MARCHF1: variants seen among roughly 807,000 people sequenced by gnomAD.
MARCHF1 encodes the protein membrane associated ring-CH-type finger 1.
In MARCHF1, 40 loss-of-function variants were observed where a neutral mutation model predicts 54.2. That is an observed-to-expected ratio of 0.74 (90% confidence interval 0.57 to 0.96). The LOEUF (loss-of-function observed/expected upper bound fraction) is 0.96. Ranked by LOEUF, MARCHF1 falls within the 40% of genes least tolerant of loss-of-function variation. The pLI, the probability that MARCHF1 is intolerant of heterozygous loss-of-function variation, is 0.00. For synonymous variants in MARCHF1, 236 were observed against 236.3 expected (o/e 1.00, Z 0.01); for missense variants, 586 against 656.5 (o/e 0.89, Z 1.17).
intron 3 of MARCHF1, among the ~76,000 whole-genome samples, chr4:163,903,305 G>A (rs1479881277): frequency 6.6e-6 from 1 of 152,076 alleles, no homozygotes; most frequent in African/African-American, 2.4e-5. Flanking sequence ...AAAAGTTCTA[G>A]TGCAGCCTTG....
chr4:164,235,133 T>C (rs1732512591), intron 1 of MARCHF1, among the ~76,000 whole-genome samples: 1 of 152,076 alleles, frequency 6.6e-6, no homozygotes, highest in Admixed American at 6.6e-5. Flanking sequence ...TACCAAATCA[T>C]TCACTTCTCA....
chr4:163,575,443 G>T (rs1434607864), intron 8 of MARCHF1, among the ~76,000 whole-genome samples: 1 of 152,014 alleles, frequency 6.6e-6, no homozygotes, highest in Non-Finnish European at 1.5e-5. Context: ...GATATCTGTT[G>T]CATTTAGTTT....
chr4:163,555,018 A>G (rs1236328968), intron 8 of MARCHF1, among the ~76,000 whole-genome samples: 1 of 152,226 alleles, frequency 6.6e-6, no homozygotes, highest in African/African-American at 2.4e-5. Flanking sequence ...AGATATTTGT[A>G]ATATAGAAAA....
chr4:163,613,747 A>C, intron 5 of MARCHF1: 1 of 305,778 alleles, frequency 3.3e-6, no homozygotes, highest in Non-Finnish European at 4.8e-6. Context: ...CATGGACTAA[A>C]GCACTATTAT....
intron 1 of MARCHF1, among the ~76,000 whole-genome samples, chr4:164,233,730 T>C (rs1367273586): frequency 6.6e-6 from 1 of 152,156 alleles, no homozygotes; most frequent in African/African-American, 2.4e-5. Context: ...GGATGATCAA[T>C]GACTTATTAC....
chr4:163,531,812 A>G (rs1464490138), intron 9 of MARCHF1, among the ~76,000 whole-genome samples: 3 of 151,784 alleles, frequency 2.0e-5, no homozygotes, highest in Non-Finnish European at 2.9e-5. Flanking sequence ...AATTAAAAAC[A>G]TAAGCCCATT....
chr4:164,321,005 CAA>C (rs770707865), intron 1 of MARCHF1, among the ~76,000 whole-genome samples: 2 of 152,158 alleles, frequency 1.3e-5, no homozygotes, highest in Non-Finnish European at 2.9e-5. Context: ...GGACAAGCAT[CAA>C]AGAGTGATTT....
chr4:164,310,224 C>A (rs560274512), intron 1 of MARCHF1, among the ~76,000 whole-genome samples: 1 of 151,968 alleles, frequency 6.6e-6, no homozygotes, highest in Admixed American at 6.6e-5. Flanking sequence ...ATCACAGGTG[C>A]GCACCACCAC....
chr4:164,147,807 A>C (rs1173716861), intron 1 of MARCHF1, among the ~76,000 whole-genome samples: 1 of 146,114 alleles, frequency 6.8e-6, no homozygotes, highest in East Asian at 2.0e-4. Context: ...ATGTACCCTA[A>C]AACTTAAAGT....
intron 1 of MARCHF1, among the ~76,000 whole-genome samples, chr4:164,263,139 C>CGT (rs148563010): frequency 0.013 from 1,914 of 148,812 alleles, 36 homozygotes; most frequent in East Asian, 0.052. Context: ...TGTACGCGTG[C>CGT]GTGTGTGTGT....
rs142160427 is a variant in MARCHF1 at position 163,529,444 on chromosome 4, A to T, written c.1340-398T>A. ...ATCAGAGTTTAAAATCCTTCTAAGAAGATGAGGTATAGGTACATGTATGGG... is the reference window on the plus strand; with the variant it reads ...ATCAGAGTTTAAAATCCTTCTAAGATGATGAGGTATAGGTACATGTATGGG... On this transcript the variant is annotated intron_variant, in intron 9 of 9. Transcript: ENST00000514618. Among the ~76,000 whole-genome samples the T allele has an allele frequency of 4.3e-4, 66 of 152,186 alleles. 1 individual carries two copies. Among genetic ancestry groups the T allele is most frequent in the Admixed American group, 4.3e-3 (66 of 15,248 alleles).
At chr4:164,277,681 C>T (rs531499402) in intron 1 of MARCHF1, among the ~76,000 whole-genome samples, 17 of 152,336 alleles carry the variant, frequency 1.1e-4, no homozygotes, top group African/African-American at 3.8e-4. Flanking sequence ...GCTCACATGT[C>T]AACATGTACT....
Position 164,119,403 on chromosome 4 carries a change from C to T in MARCHF1, c.-322-7741G>A, listed in dbSNP as rs187302985. ...AATAATAAATACAAATAAAGAAATA[C>T]AAATAATAAATACAAAGGTCAATAT... On this transcript the variant is annotated intron_variant, in intron 1 of 9. Coordinates refer to ENST00000514618, the MANE Select transcript of MARCHF1 (RefSeq NM_001394959.1). Among the ~76,000 whole-genome samples, 81 of 146,922 alleles carry T rather than the reference C, an allele frequency of 5.5e-4. 1 individual carries two copies. The highest frequency in any genetic ancestry group is 2.0e-3 in the African/African-American group (80 of 40,054).
chr4:163,907,623 T>C (rs746845538), intron 3 of MARCHF1, among the ~76,000 whole-genome samples: 2 of 152,062 alleles, frequency 1.3e-5, no homozygotes, highest in African/African-American at 4.8e-5. Context: ...TCAAATAAGA[T>C]AATAATCATG....
At chr4:163,565,980 T>C (rs1054746638) in intron 8 of MARCHF1, among the ~76,000 whole-genome samples, 3 of 152,200 alleles carry the variant, frequency 2.0e-5, no homozygotes, top group African/African-American at 7.2e-5. Flanking sequence ...TATAAAGTAT[T>C]AAGCCTCAAA....
At chr4:164,265,399 A>G (rs117351677) in intron 1 of MARCHF1, among the ~76,000 whole-genome samples, 4,954 of 151,834 alleles carry the variant, frequency 0.033, 183 homozygotes, top group East Asian at 0.15. Flanking sequence ...TGTTTAAGAA[A>G]TTCTGCCAGT....
intron 2 of MARCHF1, among the ~76,000 whole-genome samples, chr4:164,049,159 T>G (rs1754301847): frequency 6.6e-6 from 1 of 152,262 alleles, no homozygotes; most frequent in East Asian, 1.9e-4. Context: ...CTCAGGAAAC[T>G]TACAATCATG....
At chr4:164,148,823 CAATT>C (rs1729848695) in intron 1 of MARCHF1, among the ~76,000 whole-genome samples, 3 of 152,056 alleles carry the variant, frequency 2.0e-5, no homozygotes, top group South Asian at 4.2e-4. Flanking sequence ...CCACCCATAA[CAATT>C]AATATGGACA....
intron 2 of MARCHF1, among the ~76,000 whole-genome samples, chr4:164,017,836 C>CAAAAAAAAAAAAAAAAAA (rs35073711): frequency 7.2e-6 from 1 of 138,102 alleles, no homozygotes. Flanking sequence ...CCTAAATTAG[C>CAAAAAAAAAAAAAAAAAA]AAAAAAAAAA....
Sources: gnomAD v4.1 joint callset for allele counts (sites outside exome capture counted in the v4.1 genomes callset) on GRCh38, gnomAD v4.1.1 for gene constraint, MANE v1.5 for transcripts, NCBI Gene and HGNC (gene_info 2026-07-23, HGNC 2026-07-21) for gene names.